RARB: variants seen among roughly 807,000 people sequenced by gnomAD.
RARB encodes the protein HBV-activated protein.
In RARB, 17 loss-of-function variants were observed where a neutral mutation model predicts 51.9. The ratio of observed to expected loss-of-function variants is 0.33; its 90% CI spans 0.22 to 0.49. RARB has a LOEUF of 0.49. Among genes scored for constraint, RARB ranks in the 20% least tolerant of loss-of-function variants. RARB has a pLI of 0.99. For synonymous variants in RARB, 215 were observed against 195.4 expected, an observed-to-expected ratio of 1.10 and a Z score of -0.84; for missense variants, 369 against 550.8, an observed-to-expected ratio of 0.67 and a Z score of 3.30.
rs370108158 is a variant in RARB at position 25,512,672 on chromosome 3, T to C, written c.448+11349T>C. 4.6e-5 allele frequency among the ~76,000 whole-genome samples: 7 copies of C among 152,240 alleles called. No individual in the cohort carries two copies. The South Asian group carries it at 1.2e-3, about 27-fold the overall frequency. On this transcript the variant is annotated intron_variant, in intron 3 of 7. Transcript: ENST00000330688. ...TCCTTGAAGCCACCTTCTTCCTAAA[T>C]GAGCAGGCATGCGCACATACACGCG...
intron 3 of RARB, among the ~76,000 whole-genome samples, chr3:25,543,908 T>C (rs1483562091): frequency 6.6e-6 from 1 of 152,136 alleles, no homozygotes; most frequent in Non-Finnish European, 1.5e-5. Flanking sequence ...TATTGAAAAA[T>C]CCTTTATAAT....
intron 5 of RARB, among the ~76,000 whole-genome samples, chr3:25,218,499 TCTC>T (rs1278220774): frequency 1.3e-5 from 2 of 152,158 alleles, no homozygotes; most frequent in Non-Finnish European, 2.9e-5. Flanking sequence ...TGGAAGAAAT[TCTC>T]CTCTCTGAAT....
rs539220265 is a variant in RARB at position 25,265,554 on chromosome 3, C to T, written c.178+90979C>T. 1.7e-3 allele frequency among the ~76,000 whole-genome samples: 252 copies of T among 152,258 alleles called. 1 individual carries two copies. The highest frequency in any genetic ancestry group is 5.9e-3 in the African/African-American group (244 of 41,544). Reference sequence around the variant, plus strand: ...GTGGTGCAACCTCAGCTCACTGCAACCTCCACCTCCCAGGCTCAAGTAATC... The same window carrying T: ...GTGGTGCAACCTCAGCTCACTGCAATCTCCACCTCCCAGGCTCAAGTAATC... On this transcript the variant is annotated intron_variant, in intron 5 of 11. Transcript: ENST00000383772.
intron 5 of RARB, among the ~76,000 whole-genome samples, chr3:25,308,365 C>T (rs1273358224): frequency 1.3e-5 from 2 of 151,998 alleles, no homozygotes; most frequent in African/African-American, 4.8e-5. Flanking sequence ...GCCATACAGA[C>T]TAGGATAAAT....
At chr3:25,546,204 A>G (rs945506287) in intron 3 of RARB, among the ~76,000 whole-genome samples, 3 of 152,130 alleles carry the variant, frequency 2.0e-5, no homozygotes, top group Non-Finnish European at 2.9e-5. Flanking sequence ...CAGAGGCCAC[A>G]GGAAGAGATC....
At chr3:25,081,921 C>G (rs1699013918) in intron 3 of RARB, among the ~76,000 whole-genome samples, 1 of 151,874 alleles carries the variant, frequency 6.6e-6, no homozygotes, top group Non-Finnish European at 1.5e-5. Flanking sequence ...GCGTGAGCCA[C>G]TGTGCCCGGC....
chr3:25,238,411 G>A (rs1276547910), intron 5 of RARB, among the ~76,000 whole-genome samples: 1 of 151,950 alleles, frequency 6.6e-6, no homozygotes, highest in Non-Finnish European at 1.5e-5. Flanking sequence ...TTTATCCATT[G>A]GTGGACACTT....
At chr3:25,341,631 C>G (rs1324802869) in intron 5 of RARB, among the ~76,000 whole-genome samples, 1 of 152,090 alleles carries the variant, frequency 6.6e-6, no homozygotes, top group Non-Finnish European at 1.5e-5. Context: ...TAGTTCTCAA[C>G]TGGGGATAAT....
intron 4 of RARB, among the ~76,000 whole-genome samples, chr3:25,132,370 T>A (rs1253461390): frequency 6.6e-6 from 1 of 151,890 alleles, no homozygotes; most frequent in Admixed American, 6.6e-5. Context: ...CACAACAACC[T>A]TAGGAAACCC....
chr3:25,427,978 A>G (rs1349269256), upstream of RARB, among the ~76,000 whole-genome samples: 1 of 152,178 alleles, frequency 6.6e-6, no homozygotes, highest in African/African-American at 2.4e-5. Context: ...GTTGGTGCTC[A>G]ACGTGAGCCA....
At chr3:25,456,110 A>G (rs527407771) in intron 1 of RARB, among the ~76,000 whole-genome samples, 29 of 152,228 alleles carry the variant, frequency 1.9e-4, no homozygotes, top group Non-Finnish European at 4.1e-4. Context: ...AAATTTTATC[A>G]TTCCATAGAC....
intron 5 of RARB, among the ~76,000 whole-genome samples, chr3:25,227,953 T>C (rs757238332): frequency 9.3e-4 from 141 of 152,218 alleles, no homozygotes; most frequent in Non-Finnish European, 1.7e-3. Flanking sequence ...TAAAAACCAA[T>C]AGACATTGCC....
chr3:25,310,357 A>G (rs1704258908), intron 5 of RARB, among the ~76,000 whole-genome samples: 2 of 152,234 alleles, frequency 1.3e-5, no homozygotes, highest in Admixed American at 6.5e-5. Context: ...ACTGACAGTC[A>G]GATTTCCTAG....
chr3:24,981,659 G>T (rs4075414), intron 2 of RARB, among the ~76,000 whole-genome samples: 3 of 152,068 alleles, frequency 2.0e-5, no homozygotes, highest in Non-Finnish European at 4.4e-5. Flanking sequence ...TATTTGGGCA[G>T]GAGTGCATGG....
chr3:24,963,059 T>C (rs1320292948), intron 2 of RARB, among the ~76,000 whole-genome samples: 2 of 152,210 alleles, frequency 1.3e-5, no homozygotes, highest in Non-Finnish European at 2.9e-5. Flanking sequence ...TGCCTCCTGA[T>C]GAACCATGCA....
At chr3:24,938,468 A>C (rs944820806) in intron 2 of RARB, among the ~76,000 whole-genome samples, 1 of 152,114 alleles carries the variant, frequency 6.6e-6, no homozygotes, top group Non-Finnish European at 1.5e-5. Context: ...GTTTCTCGTT[A>C]ATTAAAAAAT....
chr3:25,122,468 C>A lies in RARB; in HGVS notation c.-327-9693C>A, dbSNP rs184689337. Among the ~76,000 whole-genome samples, 7 of 152,054 alleles carry A rather than the reference C, an allele frequency of 4.6e-5. No individual in the cohort carries two copies. In the East Asian group the frequency reaches 1.4e-3, roughly 29 times the overall value. ...TATTGAAACTTTACAGTGCCATGAA[C>A]TGAAGTTTGGGAAGCTCTGCTCTGG... On this transcript the variant is annotated intron_variant, in intron 3 of 11. Coordinates refer to the RARB transcript ENST00000383772.
chr3:25,219,889 C>G (rs904114280), intron 5 of RARB, among the ~76,000 whole-genome samples: 1 of 152,148 alleles, frequency 6.6e-6, no homozygotes, highest in Admixed American at 6.6e-5. Context: ...AAAAAATAAT[C>G]TAAGAGCAGA....
chr3:25,514,005 G>A (rs1241506885), intron 3 of RARB, among the ~76,000 whole-genome samples: 1 of 152,166 alleles, frequency 6.6e-6, no homozygotes, highest in Non-Finnish European at 1.5e-5. Flanking sequence ...GAATAAATAT[G>A]CAAGTGCTTC....
Sources: allele counts gnomAD v4.1 joint callset (sites outside exome capture counted in the v4.1 genomes callset), GRCh38; gene constraint gnomAD v4.1.1; transcripts MANE v1.5; gene names NCBI Gene and HGNC (gene_info 2026-07-23, HGNC 2026-07-21).